Variants in MLLT1 observed in about 807,000 individuals in gnomAD.
MLLT1 encodes the protein MLLT1 super elongation complex subunit.
MLLT1 carries 11 observed loss-of-function variants against 55.1 expected under a neutral mutation model. The observed-to-expected ratio is 0.20, with a 90% CI of 0.13 to 0.33. MLLT1 has a LOEUF of 0.33. Among genes scored for constraint, MLLT1 ranks in the 10% least tolerant of loss-of-function variants. The probability of loss-of-function intolerance (pLI) is 1.00; values close to 1 mark genes in which losing one functional copy is unlikely to be tolerated. For missense variants in MLLT1, 536 were observed against 760.6 expected (o/e 0.70, Z 3.47); for synonymous variants, 323 against 320.1 (o/e 1.01, Z -0.10).
intron 8 of MLLT1, among the ~76,000 whole-genome samples, chr19:6,216,001 C>T (rs947897181): frequency 1.3e-5 from 2 of 152,168 alleles, no homozygotes; most frequent in Admixed American, 1.3e-4. Flanking sequence ...CATGGATCCT[C>T]GCCCCATGTA....
intron 9 of MLLT1, 54 bp downstream of exon 9, chr19:6,213,885 C>T: frequency 6.5e-7 from 1 of 1,528,372 alleles, no homozygotes; most frequent in Non-Finnish European, 8.9e-7. Flanking sequence ...ACAGCCCGGC[C>T]CAGGGCTAAG....
intron 3 of MLLT1, among the ~76,000 whole-genome samples, chr19:6,241,395 C>T (rs911979879): frequency 6.7e-6 from 1 of 149,746 alleles, no homozygotes; most frequent in African/African-American, 2.5e-5. Context: ...CAGATGCCTT[C>T]GTCCTGTACA....
intron 3 of MLLT1, among the ~76,000 whole-genome samples, chr19:6,236,536 G>A (rs1169771921): frequency 6.6e-6 from 1 of 152,220 alleles, no homozygotes; most frequent in Non-Finnish European, 1.5e-5. Context: ...CGAAAAGCAA[G>A]GAAGGCACCC....
intron 3 of MLLT1, among the ~76,000 whole-genome samples, chr19:6,261,233 T>C (rs1267903656): frequency 6.6e-6 from 1 of 152,122 alleles, no homozygotes; most frequent in South Asian, 2.1e-4. Flanking sequence ...CAACAAAGCC[T>C]CAGAATGACC....
chr19:6,246,106 GA>G (rs58578599), intron 3 of MLLT1, among the ~76,000 whole-genome samples: 7,189 of 127,064 alleles, frequency 0.057, 455 homozygotes, highest in East Asian at 0.16. Context: ...AAAACAAAGA[GA>G]AAAAAAAAAA....
In MLLT1 at chr19:6,211,172, T is replaced by A. The variant is rs917453510; in HGVS notation, c.*1870A>T. The A allele has an allele frequency of 3.9e-5, 9 of 232,428 alleles. No homozygotes were observed. Among genetic ancestry groups the A allele is most frequent in the African/African-American group, 2.0e-4 (9 of 45,304 alleles). The allele number at this position is 232,428 out of a possible 1,614,324, so 14.4% of individuals were successfully genotyped here. A position where few individuals can be genotyped will look rare whatever the true frequency, so the allele number is the denominator to read the frequency against. On this transcript the variant is annotated 3_prime_UTR_variant, in exon 12 of 12. Transcript: ENST00000252674. This position sits in a 1 kb window ranked among gnomAD's most constrained non-coding sequence, Gnocchi z 4.6. ...AGCACGGGCCCCCGGTCAGCCCCCC[T>A]CAGGCCAGTTCCTTCAGTCCAATGT...
rs765029679 is a variant in MLLT1 at position 6,215,196 on chromosome 19, T to TA, written c.1308-1159_1308-1158insT. Among the ~76,000 whole-genome samples the TA allele has an allele frequency of 2.0e-5, 3 of 152,324 alleles. No individual in the cohort carries two copies. In the South Asian group the frequency reaches 6.2e-4, roughly 32 times the overall value. ...ACGCAGGGACAAGGCCGGCAAGCCCTCACCCAGGGCCCACACAAACGTTCC... is the reference window on the plus strand; with the variant it reads ...ACGCAGGGACAAGGCCGGCAAGCCCTACACCCAGGGCCCACACAAACGTTCC... On this transcript the variant is annotated intron_variant, in intron 8 of 11. Coordinates refer to ENST00000252674, the MANE Select transcript of MLLT1 (RefSeq NM_005934.4).
Position 6,218,271 on chromosome 19 carries a change from C to T in MLLT1, c.1111-230G>A, listed in dbSNP as rs114838431. On this transcript the variant is annotated intron_variant, in intron 6 of 11. Coordinates refer to ENST00000252674, the MANE Select transcript of MLLT1 (RefSeq NM_005934.4). ...CCAGCCCTAGGACACCCGTGGATGT[C>T]TGGGTTTCCGGTAGCGCCAGGAGAC... Among the ~76,000 whole-genome samples, 217 of 152,356 alleles carry T rather than the reference C, an allele frequency of 1.4e-3. 1 individual carries two copies. Among genetic ancestry groups the T allele is most frequent in the African/African-American group, 5.1e-3 (212 of 41,578 alleles).
At chr19:6,261,838 G>A (rs2091308652) in intron 3 of MLLT1, among the ~76,000 whole-genome samples, 1 of 152,016 alleles carries the variant, frequency 6.6e-6, no homozygotes. Context: ...CATCGTAATC[G>A]GACTGTAATC....
Position 6,230,534 on chromosome 19 carries a change from G to A in MLLT1, c.420+36C>T, listed in dbSNP as rs756349593. On this transcript the variant is annotated intron_variant, in intron 4 of 11. Coordinates refer to ENST00000252674, the MANE Select transcript of MLLT1 (RefSeq NM_005934.4). This position sits in a 1 kb window ranked among gnomAD's most constrained non-coding sequence, Gnocchi z 9.0. The stretch of plus-strand genomic sequence containing the variant: ...GCCGCAGCAAAGTAGCCTCGGTGGA[G>A]CGGCCCCTTGGCGGGCAGGGGCGGG... 9.9e-6 allele frequency: 16 copies of A among 1,608,058 alleles called. No individual in the cohort carries two copies. In the African/African-American group the frequency reaches 2.0e-4, roughly 20 times the overall value.
At chr19:6,217,167 T>C (rs2090852980) in intron 7 of MLLT1, among the ~76,000 whole-genome samples, 1 of 152,026 alleles carries the variant, frequency 6.6e-6, no homozygotes, top group Non-Finnish European at 1.5e-5. Flanking sequence ...GGAGCGAGTG[T>C]AGGCTTCAAG....
At chr19:6,225,009 C>G (rs985312198) in intron 5 of MLLT1, among the ~76,000 whole-genome samples, 1 of 152,244 alleles carries the variant, frequency 6.6e-6, no homozygotes, top group Non-Finnish European at 1.5e-5. Context: ...CATGAGCACT[C>G]TCCAGGGTGA....
At chr19:6,276,310 G>A (rs1313304221) in intron 1 of MLLT1, among the ~76,000 whole-genome samples, 1 of 152,174 alleles carries the variant, frequency 6.6e-6, no homozygotes, top group Non-Finnish European at 1.5e-5. Context: ...GAGCAGCCGA[G>A]TTGCAGGAGG....
At position 6,211,774 on chromosome 19, in the gene MLLT1, G is replaced by A. The variant is rs537155690; in HGVS notation, c.*1268C>T. The A allele has an allele frequency of 2.2e-5, 23 of 1,064,010 alleles. No individual in the cohort carries two copies. Among genetic ancestry groups the A allele is most frequent in the Admixed American group, 5.4e-5 (1 of 18,654 alleles). The allele number at this position is 1,064,010 out of a possible 1,614,324, so 65.9% of individuals were successfully genotyped here. ...CCCAGCCACGATGGGCTGGCTCCGC[G>A]GGAGCGTCCTGGCCCTGGAAGAGTG... On this transcript the variant is annotated 3_prime_UTR_variant, in exon 12 of 12. Coordinates refer to ENST00000252674, the MANE Select transcript of MLLT1 (RefSeq NM_005934.4). The surrounding 1 kb of genome is among the most constrained non-coding windows in gnomAD (Gnocchi z 4.6).
At position 6,237,484 on chromosome 19, in the gene MLLT1, G is replaced by A. The variant is rs540577839; in HGVS notation, c.277-6771C>T. 3.9e-5 allele frequency among the ~76,000 whole-genome samples: 6 copies of A among 152,162 alleles called. 1 individual carries two copies. Among genetic ancestry groups the A allele is most frequent in the South Asian group, 2.1e-4 (1 of 4,826 alleles). On this transcript the variant is annotated intron_variant, in intron 3 of 11. Transcript: ENST00000252674. ...GCTTAAAAAAACATTTTGGCCAGGCGCGGTGGCTCACGCCTGTAATCCCAT... is the reference window on the plus strand; with the variant it reads ...GCTTAAAAAAACATTTTGGCCAGGCACGGTGGCTCACGCCTGTAATCCCAT...
intron 3 of MLLT1, among the ~76,000 whole-genome samples, chr19:6,234,295 C>T (rs1263931865): frequency 1.3e-5 from 2 of 152,256 alleles, no homozygotes; most frequent in African/African-American, 4.8e-5. Flanking sequence ...TTGGCCGCCC[C>T]TGCGGAGGGG....
chr19:6,217,578 G>A (rs545114637), intron 7 of MLLT1, among the ~76,000 whole-genome samples: 4 of 152,254 alleles, frequency 2.6e-5, no homozygotes, highest in African/African-American at 4.8e-5. Context: ...GGCAGCCAGT[G>A]CCTCGCTGGC....
intron 6 of MLLT1, among the ~76,000 whole-genome samples, chr19:6,220,163 C>A (rs1400103971): frequency 2.0e-5 from 3 of 152,252 alleles, no homozygotes; most frequent in African/African-American, 7.2e-5. Flanking sequence ...GCAGATTCTT[C>A]CGATGGCCGG....
rs1217500706 is a variant in MLLT1 at position 6,213,411 on chromosome 19, G to A, written c.1480-3C>T. 2 of 1,610,566 alleles carry A rather than the reference G, an allele frequency of 1.2e-6. No individual in the cohort carries two copies. The highest frequency in any genetic ancestry group is 1.7e-6 in the Non-Finnish European group (2 of 1,179,570). On this transcript the variant is annotated splice_polypyrimidine_tract_variant and splice_region_variant and intron_variant, in intron 10 of 11. Transcript: ENST00000252674. ...TCCACCAGCTCATCCGTGTAGGCCTGGGGAGGGGGGGCAGGTCTCAGCAGC... is the reference window on the plus strand; with the variant it reads ...TCCACCAGCTCATCCGTGTAGGCCTAGGGAGGGGGGGCAGGTCTCAGCAGC...
Sources: allele counts gnomAD v4.1 joint callset (sites outside exome capture counted in the v4.1 genomes callset), GRCh38; gene constraint gnomAD v4.1.1; non-coding constraint Gnocchi (gnomAD v3.1); transcripts MANE v1.5; gene names NCBI Gene and HGNC (gene_info 2026-07-23, HGNC 2026-07-21).